PAPSS2: variants seen among roughly 807,000 people sequenced by gnomAD.
PAPSS2 encodes the protein 3'-phosphoadenosine 5'-phosphosulfate synthase 2, also known as bifunctional 3'-phosphoadenosine 5'-phosphosulfate synthase 2.
In PAPSS2, 61 loss-of-function variants were observed where a neutral mutation model predicts 66.5. That is an observed-to-expected ratio of 0.92 (90% CI 0.75 to 1.14). The LOEUF is 1.14. Among genes scored for constraint, PAPSS2 ranks in the 50% most tolerant of loss-of-function variants. The pLI is 0.00. For synonymous variants in PAPSS2, 289 were observed against 287.5 expected (o/e 1.01, Z -0.05); for missense variants, 708 against 789.6 (o/e 0.90, Z 1.24).
chr10:87,744,684 C>T lies in PAPSS2; in HGVS notation c.1492-318C>T, dbSNP rs1208234010. On this transcript the variant is annotated intron_variant, in intron 11 of 12. Coordinates refer to ENST00000456849, the MANE Select transcript of PAPSS2 (RefSeq NM_001015880.2). ...GCAATTTATTGTGAATAGGGAGGCA[C>T]TGGAAAGTAAAATCCACATAGTTCT... 3.3e-5 allele frequency among the ~76,000 whole-genome samples: 5 copies of T among 152,114 alleles called. No homozygotes were observed. The South Asian group carries it at 6.2e-4, about 19-fold the overall frequency.
intron 1 of PAPSS2, among the ~76,000 whole-genome samples, chr10:87,697,201 T>C (rs562436954): frequency 1.3e-5 from 2 of 152,240 alleles, no homozygotes; most frequent in South Asian, 2.1e-4. Context: ...TGTGGTGTTT[T>C]CTGGTGATTA....
intron 1 of PAPSS2, among the ~76,000 whole-genome samples, chr10:87,707,179 A>T (rs1382774422): frequency 2.6e-5 from 4 of 152,306 alleles, no homozygotes; most frequent in African/African-American, 9.6e-5. Context: ...AGGGCCACGC[A>T]GGAAAGGATG....
intron 9 of PAPSS2, among the ~76,000 whole-genome samples, chr10:87,734,079 C>T (rs1434120517): frequency 6.6e-6 from 1 of 152,172 alleles, no homozygotes; most frequent in Non-Finnish European, 1.5e-5. Flanking sequence ...CCCATAATCT[C>T]CCACTCTTTA....
intron 2 of PAPSS2, among the ~76,000 whole-genome samples, chr10:87,711,128 A>G (rs767533282): frequency 2.0e-5 from 3 of 152,248 alleles, no homozygotes; most frequent in Non-Finnish European, 4.4e-5. Flanking sequence ...CTTTAAATCC[A>G]TAGACTCAGA....
intron 9 of PAPSS2, among the ~76,000 whole-genome samples, chr10:87,737,398 A>G (rs972261522): frequency 2.6e-5 from 4 of 152,336 alleles, no homozygotes; most frequent in African/African-American, 9.6e-5. Context: ...GGTAAAAAAC[A>G]GAACATAAAA....
chr10:87,660,318 A>C, intron 1 of PAPSS2: 2 of 542,866 alleles, frequency 3.7e-6, no homozygotes, highest in East Asian at 3.2e-5. Flanking sequence ...GGGACAGGAA[A>C]TCCCCTTTCT....
chr10:87,693,140 T>C (rs1439601865), intron 1 of PAPSS2, among the ~76,000 whole-genome samples: 3 of 152,216 alleles, frequency 2.0e-5, no homozygotes, highest in African/African-American at 4.8e-5. Context: ...GGGTCCACTT[T>C]TGATGACTGG....
At chr10:87,676,502 T>A (rs1007655053) in intron 1 of PAPSS2, among the ~76,000 whole-genome samples, 2 of 152,028 alleles carry the variant, frequency 1.3e-5, no homozygotes, top group African/African-American at 4.8e-5. Flanking sequence ...CCTGCCCACT[T>A]AAATGTTTCA....
intron 1 of PAPSS2, among the ~76,000 whole-genome samples, chr10:87,683,656 G>C (rs998666405): frequency 1.3e-5 from 2 of 151,582 alleles, no homozygotes; most frequent in African/African-American, 4.9e-5. Context: ...CTCACTAATA[G>C]CTCTTTTATG....
intron 7 of PAPSS2, among the ~76,000 whole-genome samples, chr10:87,717,108 C>T (rs1262203348): frequency 6.6e-6 from 1 of 152,108 alleles, no homozygotes. Context: ...ATGTCTTTTC[C>T]AATAGAATCT....
chr10:87,674,780 TATA>T (rs1852925229), intron 1 of PAPSS2, among the ~76,000 whole-genome samples: 1 of 152,244 alleles, frequency 6.6e-6, no homozygotes, highest in South Asian at 2.1e-4. Context: ...ATTACCGTGC[TATA>T]ATTTTTAAAA....
chr10:87,722,451 GAA>G (rs1297424303), intron 8 of PAPSS2, among the ~76,000 whole-genome samples: 1 of 152,174 alleles, frequency 6.6e-6, no homozygotes, highest in Non-Finnish European at 1.5e-5. Context: ...GTTTTGCACA[GAA>G]ACAGTCCCAA....
chr10:87,693,188 C>T (rs1853192175), intron 1 of PAPSS2, among the ~76,000 whole-genome samples: 1 of 152,146 alleles, frequency 6.6e-6, no homozygotes, highest in Non-Finnish European at 1.5e-5. Context: ...TTCCTGAGTT[C>T]TTTTAATGGA....
Position 87,727,302 on chromosome 10 carries a change from G to A in PAPSS2, c.899G>A (p.Ser300Asn), listed in dbSNP as rs1853671030. The A allele has an allele frequency of 3.1e-6, 5 of 1,613,276 alleles. No individual in the cohort carries two copies. The South Asian group carries it at 5.5e-5, about 18-fold the overall frequency. Residue 300 changes from serine (S) to asparagine (N), a missense_variant, in exon 9 of 13, where the codon AGC becomes AAC. Transcript: ENST00000456849. ...MALPDGVINM[S>N]IPIVLPVSAE... ...TCCACAGATGGCGTGATCAACATGA[G>A]CATCCCCATTGTACTGCCCGTCTCT...
At chr10:87,683,086 T>A (rs1853043184) in intron 1 of PAPSS2, among the ~76,000 whole-genome samples, 1 of 130,752 alleles carries the variant, frequency 7.6e-6, no homozygotes, top group South Asian at 2.6e-4. Context: ...TTTTCCTTTT[T>A]CTTTTTTCTT....
Position 87,694,855 on chromosome 10 carries a change from A to G in PAPSS2, c.28-14341A>G, listed in dbSNP as rs185537617. 7.2e-5 allele frequency among the ~76,000 whole-genome samples: 11 copies of G among 152,366 alleles called. No individual in the cohort carries two copies. The East Asian group carries it at 1.9e-3, about 27-fold the overall frequency. On this transcript the variant is annotated intron_variant, in intron 1 of 12. Coordinates refer to ENST00000456849, the MANE Select transcript of PAPSS2 (RefSeq NM_001015880.2). ...AAGGGGCTCTGGGCCAGGCAGGGAA[A>G]TGATGTGATGGCTGCTTTACAACCT...
chr10:87,729,408 G>A (rs1419457047), intron 9 of PAPSS2, among the ~76,000 whole-genome samples: 3 of 151,796 alleles, frequency 2.0e-5, no homozygotes, highest in Non-Finnish European at 4.4e-5. Flanking sequence ...GGTGATCTAC[G>A]GTTAGTGATC....
intron 1 of PAPSS2, among the ~76,000 whole-genome samples, chr10:87,707,841 G>A (rs1485870859): frequency 6.6e-6 from 1 of 151,990 alleles, no homozygotes; most frequent in African/African-American, 2.4e-5. Context: ...CAAAGTGCTG[G>A]GATTACAAAC....
intron 1 of PAPSS2, among the ~76,000 whole-genome samples, chr10:87,694,792 T>G (rs952542225): frequency 6.6e-6 from 1 of 152,158 alleles, no homozygotes; most frequent in African/African-American, 2.4e-5. Context: ...AACCTGATTG[T>G]CAACTGGAAA....
Sources: allele counts gnomAD v4.1 joint callset (sites outside exome capture counted in the v4.1 genomes callset), GRCh38; gene constraint gnomAD v4.1.1; transcripts MANE v1.5; gene names NCBI Gene and HGNC (gene_info 2026-07-23, HGNC 2026-07-21).